The following FNDC1 variants were observed in gnomAD, a reference collection of about 807,000 sequenced individuals.
FNDC1 encodes fibronectin type III domain containing 1.
A neutral mutation model predicts 168.0 loss-of-function variants in FNDC1; 96 were observed. The observed-to-expected ratio is 0.57, with a 90% CI of 0.48 to 0.68. FNDC1 has a LOEUF of 0.68. FNDC1 is among the 30% of genes least tolerant of loss of function. The pLI is 0.00. For missense variants in FNDC1, 2,587 were observed against 2,482.1 expected (o/e 1.04, Z -0.90); for synonymous variants, 1,099 against 1,025.9 (o/e 1.07, Z -1.36).
At chr6:159,236,943 T>G (rs1056242380) in intron 12 of FNDC1, among the ~76,000 whole-genome samples, 1 of 152,220 alleles carries the variant, frequency 6.6e-6, no homozygotes, top group Non-Finnish European at 1.5e-5. Context: ...CAGAACACTT[T>G]ACAATATTCA....
At chr6:159,172,899 G>A (rs1443717226) in intron 1 of FNDC1, among the ~76,000 whole-genome samples, 1 of 152,206 alleles carries the variant, frequency 6.6e-6, no homozygotes, top group Admixed American at 6.5e-5. Context: ...TGCATAAGCA[G>A]ATCGGAGATA....
chr6:159,251,696 A>G (rs970242729), intron 17 of FNDC1, among the ~76,000 whole-genome samples, 164 bp downstream of exon 17: 6 of 152,160 alleles, frequency 3.9e-5, no homozygotes, highest in Admixed American at 3.3e-4. Context: ...ACTGGATGAA[A>G]TATAGGCAAC....
chr6:159,229,001 G>A (rs1160453150), intron 9 of FNDC1, among the ~76,000 whole-genome samples: 1 of 152,160 alleles, frequency 6.6e-6, no homozygotes, highest in Non-Finnish European at 1.5e-5. Context: ...TTGATGTTTT[G>A]TAAATCTTGG....
At chr6:159,228,713 A>G (rs422232) in intron 9 of FNDC1, among the ~76,000 whole-genome samples, 58,233 of 151,800 alleles carry the variant, frequency 0.38, 14,290 homozygotes, top group East Asian at 0.73. Flanking sequence ...GCCTCACTTC[A>G]TTGCCCAGGC....
chr6:159,244,202 T>C (rs1783492113), intron 14 of FNDC1, among the ~76,000 whole-genome samples: 1 of 152,206 alleles, frequency 6.6e-6, no homozygotes, highest in African/African-American at 2.4e-5. Context: ...CAGGAAACAA[T>C]GGCAAGATAA....
chr6:159,188,420 G>A (rs137876958), intron 1 of FNDC1, among the ~76,000 whole-genome samples: 15 of 149,362 alleles, frequency 1.0e-4, no homozygotes, highest in African/African-American at 3.7e-4. Flanking sequence ...TGTTGCCCAG[G>A]CTGGAGTCCA....
chr6:159,171,970 G>A (rs1781671116), intron 1 of FNDC1, among the ~76,000 whole-genome samples: 2 of 152,170 alleles, frequency 1.3e-5, no homozygotes, highest in South Asian at 4.1e-4. Context: ...AGCTTGATGG[G>A]TAAACTGCGG....
chr6:159,222,501 G>GA (rs1196475282), intron 6 of FNDC1, among the ~76,000 whole-genome samples: 2 of 151,964 alleles, frequency 1.3e-5, no homozygotes, highest in Non-Finnish European at 2.9e-5. Context: ...AAAGTGAAAA[G>GA]AAAAAACGAA....
chr6:159,226,796 TG>T (rs1186873077), intron 9 of FNDC1, among the ~76,000 whole-genome samples: 1 of 152,246 alleles, frequency 6.6e-6, no homozygotes, highest in Non-Finnish European at 1.5e-5. Flanking sequence ...GAAGGCTTTT[TG>T]CTGTTGCTGT....
Position 159,232,885 on chromosome 6 carries a change from C to G in FNDC1, c.2373C>G (p.Asp791Glu), listed in dbSNP as rs201220602. Residue 791 changes from aspartate to glutamate, a missense_variant, in exon 11 of 23, where the codon GAC becomes GAG. Asp to Glu is a conservative substitution (Grantham distance 45). Transcript: ENST00000297267. This position sits in a 1 kb window ranked among gnomAD's most constrained non-coding sequence, Gnocchi z 4.9. ...CTTCTGATGGTGAAAGCCACGGTGA[C>G]GGCGATAGGGAAGACGGCGGAAGGC... is the stretch of plus-strand genomic sequence containing the variant. ...AEASDGESHGDGDREDGGRQA... is the reference protein window; with the variant it reads ...AEASDGESHGEGDREDGGRQA... 1.9e-6 allele frequency: 3 copies of G among 1,613,274 alleles called. No individual in the cohort carries two copies. Among genetic ancestry groups the G allele is most frequent in the African/African-American group, 1.3e-5 (1 of 75,074 alleles).
chr6:159,269,507 C>CATCCATCT (rs1562316120), intron 22 of FNDC1, among the ~76,000 whole-genome samples: 3 of 115,332 alleles, frequency 2.6e-5, no homozygotes, highest in Non-Finnish European at 5.5e-5. Flanking sequence ...TCTATCCATC[C>CATCCATCT]ATCCATGCAT....
intron 1 of FNDC1, among the ~76,000 whole-genome samples, chr6:159,185,643 T>C (rs1781979207): frequency 6.6e-6 from 1 of 152,184 alleles, no homozygotes; most frequent in South Asian, 2.1e-4. Flanking sequence ...CCAGGTATCA[T>C]GTTGACATCC....
intron 1 of FNDC1, among the ~76,000 whole-genome samples, chr6:159,193,491 T>G (rs1241568479): frequency 6.6e-6 from 1 of 152,114 alleles, no homozygotes; most frequent in Non-Finnish European, 1.5e-5. Context: ...GCACCAAGTG[T>G]GTGGGCAGCC....
In FNDC1 at chr6:159,232,727, C is replaced by T. The variant is rs370123496; in HGVS notation, c.2215C>T (p.Pro739Ser). ...GCCCACCCAGCCACACCTGAGCTCT[C>T]CACTTTCCAAGGGCGGGAAGGATGG... Reference protein sequence around the residue: ...LLPTQPHLSSPLSKGGKDGED... With the variant: ...LLPTQPHLSSSLSKGGKDGED... Residue 739 changes from proline (P) to serine (S), a missense_variant, in exon 11 of 23, where the codon CCA becomes TCA. Transcript: ENST00000297267. The surrounding 1 kb of genome is among the most constrained non-coding windows in gnomAD (Gnocchi z 4.9). 18 of 1,613,780 alleles carry T rather than the reference C, an allele frequency of 1.1e-5. No homozygotes were observed. The highest frequency in any genetic ancestry group is 1.4e-5 in the Non-Finnish European group (17 of 1,179,872).
At chr6:159,251,661 G>C (rs1401771694) in intron 17 of FNDC1, 129 bp downstream of exon 17, 14 of 757,056 alleles carry the variant, frequency 1.8e-5, no homozygotes, top group Non-Finnish European at 1.5e-5. Flanking sequence ...GGATGAATGG[G>C]ATGATGGATA....
intron 17 of FNDC1, among the ~76,000 whole-genome samples, chr6:159,253,133 C>T (rs1175275114): frequency 1.3e-5 from 2 of 152,176 alleles, no homozygotes; most frequent in Admixed American, 6.5e-5. Context: ...TGAAACGAAA[C>T]CTCAGAGCCC....
chr6:159,269,681 T>C (rs1777702769), intron 22 of FNDC1, among the ~76,000 whole-genome samples: 1 of 151,942 alleles, frequency 6.6e-6, no homozygotes, highest in Non-Finnish European at 1.5e-5. Context: ...TCTCACACAA[T>C]TGTGGAAACT....
chr6:159,175,152 A>G (rs989617111), intron 1 of FNDC1, among the ~76,000 whole-genome samples: 3 of 152,224 alleles, frequency 2.0e-5, no homozygotes, highest in African/African-American at 7.2e-5. Context: ...TACAATCTAC[A>G]TAATTCTATT....
chr6:159,203,158 T>A (rs1263431860), intron 4 of FNDC1, among the ~76,000 whole-genome samples: 1 of 152,244 alleles, frequency 6.6e-6, no homozygotes, highest in Non-Finnish European at 1.5e-5. Context: ...AACTCACCTC[T>A]TTGAAGACTC....
Sources: allele counts gnomAD v4.1 joint callset (sites outside exome capture counted in the v4.1 genomes callset), GRCh38; gene constraint gnomAD v4.1.1; non-coding constraint Gnocchi (gnomAD v3.1); transcripts MANE v1.5; gene names NCBI Gene and HGNC (gene_info 2026-07-23, HGNC 2026-07-21).